The following TTC7A variants were observed in gnomAD, a reference collection of about 807,000 sequenced individuals.
The protein encoded by TTC7A is tetratricopeptide repeat protein 7A.
Under a neutral mutation model 103.7 loss-of-function variants are expected in TTC7A, and 110 were observed. That is an observed-to-expected ratio of 1.06 (90% confidence interval 0.91 to 1.24). TTC7A has a LOEUF of 1.24. Ranked by LOEUF, TTC7A falls within the 50% of genes most tolerant of loss-of-function variation. TTC7A has a pLI of 0.00. For missense variants in TTC7A, 1,340 were observed against 1,116.3 expected (o/e 1.20, Z -2.86); for synonymous variants, 521 against 467.9 (o/e 1.11, Z -1.47).
At chr2:47,059,085 G>T (rs369899327) in intron 18 of TTC7A, among the ~76,000 whole-genome samples, 1 of 131,862 alleles carries the variant, frequency 7.6e-6, no homozygotes, top group Non-Finnish European at 1.5e-5. Context: ...ACAGTGGCGC[G>T]ATCGCAGCTC....
chr2:46,959,326 C>CA (rs1226930807), intron 3 of TTC7A, among the ~76,000 whole-genome samples: 2 of 152,198 alleles, frequency 1.3e-5, no homozygotes, highest in Admixed American at 6.5e-5. Context: ...GCCTGACTGA[C>CA]CCACACTCAG....
At chr2:47,067,929 G>C (rs1684316184) in intron 19 of TTC7A, 1 of 152,210 alleles carries the variant, frequency 6.6e-6, no homozygotes, top group African/African-American at 2.4e-5. Flanking sequence ...CGTCCTCTCT[G>C]AGTCCACAGG....
intron 3 of TTC7A, among the ~76,000 whole-genome samples, chr2:46,962,065 G>A (rs953957205): frequency 3.3e-5 from 5 of 152,178 alleles, no homozygotes; most frequent in Admixed American, 3.3e-4. Flanking sequence ...AGCCTCTTGA[G>A]TACAGGTGGT....
In TTC7A at chr2:47,021,845, G is replaced by T. The variant is rs1679322145; in HGVS notation, c.1393-17G>T. 1 of 1,607,468 alleles carries T rather than the reference G, an allele frequency of 6.2e-7. No individual in the cohort carries two copies. The highest frequency in any genetic ancestry group is 8.5e-7 in the Non-Finnish European group (1 of 1,174,024). ...CTCCAACCCCACCTCCATGACCTCT[G>T]TCTCTCCTCTTTGCAGCTAGAGGAA... On this transcript the variant is annotated splice_polypyrimidine_tract_variant and intron_variant, in intron 11 of 19. Transcript: ENST00000319190.
At chr2:46,967,444 T>C (rs1672961361) in intron 3 of TTC7A, among the ~76,000 whole-genome samples, 1 of 152,138 alleles carries the variant, frequency 6.6e-6, no homozygotes, top group African/African-American at 2.4e-5. Context: ...GCAACCACTC[T>C]TCTATTTTCT....
intron 15 of TTC7A, among the ~76,000 whole-genome samples, chr2:47,043,613 TTCTTTGTGGAAGAAAATCCC>T (rs1427924892): frequency 6.6e-6 from 1 of 151,848 alleles, no homozygotes; most frequent in African/African-American, 2.4e-5. Flanking sequence ...CAGGTCAGGG[TTCTTTGTGGAAGAAAATCCC>T]TCTGGCAGCG....
intron 8 of TTC7A, among the ~76,000 whole-genome samples, chr2:47,000,632 C>T (rs1471679388): frequency 2.0e-5 from 3 of 152,090 alleles, no homozygotes; most frequent in African/African-American, 7.2e-5. Flanking sequence ...CTGGTGGGGA[C>T]GACAGCACAG....
intron 11 of TTC7A, among the ~76,000 whole-genome samples, chr2:47,019,936 C>T (rs1315984787): frequency 6.6e-6 from 1 of 152,184 alleles, no homozygotes. Context: ...CTTACTTTCC[C>T]CTCCCTTGTT....
intron 2 of TTC7A, among the ~76,000 whole-genome samples, chr2:46,921,829 G>C (rs1417957429): frequency 2.0e-5 from 3 of 152,120 alleles, no homozygotes; most frequent in African/African-American, 4.8e-5. Context: ...TTCACAGTAG[G>C]GTTCGCGTTC....
At chr2:47,004,946 A>G (rs1572880514) in intron 8 of TTC7A, among the ~76,000 whole-genome samples, 1 of 152,084 alleles carries the variant, frequency 6.6e-6, no homozygotes, top group African/African-American at 2.4e-5. Flanking sequence ...GCACATACCA[A>G]AGAACACAAG....
intron 3 of TTC7A, chr2:46,974,502 G>C (rs1246546926): frequency 2.7e-6 from 1 of 365,138 alleles, no homozygotes; most frequent in Admixed American, 3.5e-5. Flanking sequence ...GGAAAGTTCT[G>C]GATCTGGAGC....
Position 47,007,425 on chromosome 2 carries a change from G to T in TTC7A, c.1287+701G>T, listed in dbSNP as rs531768533. ...CTTTCTGGAGCTGAGTTCTGAGGGT[G>T]TTGGGGCTGAGGATGCTATGAATGC... On this transcript the variant is annotated intron_variant, in intron 10 of 19. Coordinates refer to ENST00000319190, the MANE Select transcript of TTC7A (RefSeq NM_020458.4). This position sits in a 1 kb window ranked among gnomAD's most constrained non-coding sequence, Gnocchi z 4.9. 2.0e-5 allele frequency among the ~76,000 whole-genome samples: 3 copies of T among 152,350 alleles called. No homozygotes were observed. The South Asian group carries it at 6.2e-4, about 32-fold the overall frequency.
intron 3 of TTC7A, among the ~76,000 whole-genome samples, chr2:46,968,580 G>C (rs2104155666): frequency 6.6e-6 from 1 of 152,286 alleles, no homozygotes; most frequent in Admixed American, 6.5e-5. Flanking sequence ...ACTGGACTGT[G>C]ACCTTGCTTA....
intron 15 of TTC7A, among the ~76,000 whole-genome samples, chr2:47,033,273 C>T (rs552380561): frequency 6.6e-6 from 1 of 152,376 alleles, no homozygotes; most frequent in East Asian, 1.9e-4. Flanking sequence ...CTCCCTTTGT[C>T]CTGACCTCAT....
At chr2:47,030,410 G>A (rs1038943718) in intron 15 of TTC7A, among the ~76,000 whole-genome samples, 2 of 152,212 alleles carry the variant, frequency 1.3e-5, no homozygotes, top group Non-Finnish European at 2.9e-5. Context: ...ACAGGGGTGG[G>A]TTCAGGTTTT....
chr2:47,045,615 A>T (rs774485166), intron 15 of TTC7A: 2 of 152,280 alleles, frequency 1.3e-5, no homozygotes, highest in Non-Finnish European at 2.9e-5. Context: ...ATTTCACGTC[A>T]CTTTAATCCT....
chr2:46,938,531 T>C (rs1232000722), upstream of TTC7A, among the ~76,000 whole-genome samples: 1 of 152,224 alleles, frequency 6.6e-6, no homozygotes, highest in Non-Finnish European at 1.5e-5. Context: ...AGTTACCACA[T>C]GACATGCTCT....
intron 5 of TTC7A, among the ~76,000 whole-genome samples, chr2:46,987,805 CGCGCGTGT>C (rs1675171309): frequency 9.7e-6 from 1 of 102,936 alleles, no homozygotes; most frequent in African/African-American, 3.7e-5. Flanking sequence ...TGTCCCTTTC[CGCGCGTGT>C]GTGTGTGTGT....
At chr2:47,042,527 T>A (rs1277201642) in intron 15 of TTC7A, among the ~76,000 whole-genome samples, 1 of 151,996 alleles carries the variant, frequency 6.6e-6, no homozygotes, top group Admixed American at 6.6e-5. Context: ...AAATTTCTTT[T>A]ATAAAAGGGC....
Sources: gnomAD v4.1 joint callset for allele counts (sites outside exome capture counted in the v4.1 genomes callset) on GRCh38, gnomAD v4.1.1 for gene constraint, Gnocchi (gnomAD v3.1) non-coding constraint, MANE v1.5 for transcripts, NCBI Gene and HGNC (gene_info 2026-07-23, HGNC 2026-07-21) for gene names.